The following PRDM1 variants were observed in gnomAD, a reference collection of about 807,000 sequenced individuals.
The protein encoded by PRDM1 is PR/SET domain 1.
In PRDM1, 13 loss-of-function variants were observed where a neutral mutation model predicts 62.8. The ratio of observed to expected loss-of-function variants is 0.21; its 90% CI spans 0.13 to 0.33. The LOEUF is 0.33. PRDM1 is among the 10% of genes least tolerant of loss of function. The probability of loss-of-function intolerance (pLI) is 1.00; values close to 1 mark genes in which losing one functional copy is unlikely to be tolerated. For missense variants in PRDM1, 895 were observed against 1,058.8 expected (o/e 0.85, Z 2.15); for synonymous variants, 396 against 417.6 (o/e 0.95, Z 0.63).
chr6:106,107,395 A>T lies in PRDM1; in HGVS notation c.2387A>T (p.Asp796Val), dbSNP rs1365737017. 1.2e-6 allele frequency: 2 copies of T among 1,614,162 alleles called. No homozygotes were observed. Among genetic ancestry groups the T allele is most frequent in the Non-Finnish European group, 1.7e-6 (2 of 1,180,020 alleles). The stretch of plus-strand genomic sequence containing the variant: ...GGGTGCAGCCTTTATGAGTCATCAG[A>T]TCTACCCCTCATGAAGTTGCCTCCC... The part of the protein sequence containing the change: ...SSGCSLYESS[D>V]LPLMKLPPSN... Residue 796 changes from aspartate to valine, a missense_variant, in exon 7 of 7, where the codon GAT (aspartate) becomes GTT (valine). Transcript: ENST00000369096.
At chr6:106,082,371 C>A (rs960212964), upstream of PRDM1, among the ~76,000 whole-genome samples, 1 of 152,124 alleles carries the variant, frequency 6.6e-6, no homozygotes, top group Non-Finnish European at 1.5e-5. Context: ...TTGGAAACCC[C>A]AAACCTTGGT....
At chr6:106,094,482 G>A (rs1400636450) in intron 2 of PRDM1, among the ~76,000 whole-genome samples, 5 of 152,166 alleles carry the variant, frequency 3.3e-5, no homozygotes, top group African/African-American at 7.2e-5. Context: ...TATTAAGGAG[G>A]AACTGGTATA....
intron 1 of PRDM1, among the ~76,000 whole-genome samples, chr6:106,037,607 A>T: frequency 6.6e-6 from 1 of 151,500 alleles, no homozygotes; most frequent in Admixed American, 6.6e-5. Context: ...AAGTTTGCTG[A>T]TTTTTTTCTT....
intron 1 of PRDM1, among the ~76,000 whole-genome samples, chr6:106,065,831 G>A (rs1773424231): frequency 6.6e-6 from 1 of 152,164 alleles, no homozygotes; most frequent in African/African-American, 2.4e-5. Flanking sequence ...TAATCCTAAT[G>A]GATTGACTTC....
In PRDM1 at chr6:106,088,274, T is replaced by A; in HGVS notation, c.116T>A (p.Met39Lys). The part of the protein sequence containing the change: ...LAEGTKGTMK[M>K]DMEDADMTLW... ...GAGGGGACCAAGGGGACCATGAAAA[T>A]GGACATGGAGGATGCGGATATGACT... The change falls in exon 2 of 7, where the codon ATG (methionine) becomes AAG (lysine). Residue 39 changes from methionine (M) to lysine (K), a missense_variant. Met to Lys is a moderately conservative substitution (Grantham distance 95). Coordinates refer to ENST00000369096, the MANE Select transcript of PRDM1 (RefSeq NM_001198.4). 1 of 1,613,884 alleles carries A rather than the reference T, an allele frequency of 6.2e-7. No individual in the cohort carries two copies. The highest frequency in any genetic ancestry group is 1.3e-5 in the African/African-American group (1 of 74,912).
chr6:106,038,227 T>G (rs931772854), intron 1 of PRDM1, among the ~76,000 whole-genome samples: 1 of 151,892 alleles, frequency 6.6e-6, no homozygotes, highest in African/African-American at 2.4e-5. Flanking sequence ...TCAGGTGATC[T>G]GCCTGCCTGG....
At chr6:106,073,947 A>G (rs751036574) in intron 1 of PRDM1, among the ~76,000 whole-genome samples, 1 of 152,224 alleles carries the variant, frequency 6.6e-6, no homozygotes, top group Non-Finnish European at 1.5e-5. Flanking sequence ...ATGAGTGGAG[A>G]CAAAGACTAC....
chr6:106,044,413 T>G (rs1038158529), upstream of PRDM1, among the ~76,000 whole-genome samples: 2 of 152,178 alleles, frequency 1.3e-5, no homozygotes, highest in African/African-American at 4.8e-5. Flanking sequence ...ACTTAGTACT[T>G]TTTGCCAAGG....
chr6:106,000,095 C>G, intron 1 of PRDM1, among the ~76,000 whole-genome samples: 1 of 152,168 alleles, frequency 6.6e-6, no homozygotes, highest in African/African-American at 2.4e-5. Context: ...GTGATCTGCC[C>G]GCCTTGGCCT....
At chr6:106,033,235 G>A (rs1255264361) in intron 1 of PRDM1, among the ~76,000 whole-genome samples, 1 of 151,708 alleles carries the variant, frequency 6.6e-6, no homozygotes, top group Non-Finnish European at 1.5e-5. Context: ...TAACTCCTGG[G>A]CCCAAGTGAT....
chr6:106,079,195 CTT>C (rs1352253444), intron 1 of PRDM1, among the ~76,000 whole-genome samples: 1 of 151,996 alleles, frequency 6.6e-6, no homozygotes, highest in African/African-American at 2.4e-5. Context: ...AAACTCCTGA[CTT>C]CAGGTGATCC....
In PRDM1 at chr6:106,108,751, T is replaced by C. The variant is rs1474834231; in HGVS notation, c.*1265T>C. ...AGATTTTCCTCAGTATTTGTGTTTT[T>C]ACATTTTATGGTTAATTTAATGGAA... On this transcript the variant is annotated 3_prime_UTR_variant, in exon 7 of 7. Transcript: ENST00000369096. 4.3e-6 allele frequency: 1 copy of C among 233,440 alleles called. No individual in the cohort carries two copies. Among genetic ancestry groups the C allele is most frequent in the African/African-American group, 2.2e-5 (1 of 45,318 alleles). The allele number at this position is 233,440 out of a possible 1,614,324, so 14.5% of individuals were successfully genotyped here.
At chr6:106,048,672 T>C (rs933481701) in exon 1 of PRDM1, among the ~76,000 whole-genome samples, 2 of 152,172 alleles carry the variant, frequency 1.3e-5, no homozygotes, top group Non-Finnish European at 2.9e-5. Flanking sequence ...CAGGGTCTTA[T>C]CAGGAGAGAA....
At chr6:106,066,292 T>A (rs371734940) in intron 1 of PRDM1, among the ~76,000 whole-genome samples, 1 of 152,192 alleles carries the variant, frequency 6.6e-6, no homozygotes, top group East Asian at 1.9e-4. Context: ...TAATTCATCA[T>A]GCTGGTGGAC....
At chr6:106,071,404 C>T (rs1452317728) in intron 1 of PRDM1, among the ~76,000 whole-genome samples, 3 of 152,040 alleles carry the variant, frequency 2.0e-5, no homozygotes, top group Non-Finnish European at 4.4e-5. Flanking sequence ...TACACACACA[C>T]ACACATACAT....
intron 1 of PRDM1, among the ~76,000 whole-genome samples, chr6:106,052,441 C>T (rs889937039): frequency 4.6e-5 from 7 of 151,782 alleles, no homozygotes; most frequent in Non-Finnish European, 7.4e-5. Flanking sequence ...TGTTTTTTTA[C>T]GCTTCATGTT....
intron 2 of PRDM1, among the ~76,000 whole-genome samples, chr6:106,095,054 AAC>A (rs369840258): frequency 1.3e-5 from 2 of 149,896 alleles, no homozygotes; most frequent in Admixed American, 6.6e-5. Context: ...AAAAAAAAAA[AAC>A]ACACACACAC....
intron 1 of PRDM1, among the ~76,000 whole-genome samples, chr6:106,007,723 G>A (rs534714794): frequency 1.1e-4 from 16 of 152,118 alleles, no homozygotes; most frequent in Non-Finnish European, 2.4e-4. Context: ...CGTCCCTTGA[G>A]GTTAGCTAAC....
chr6:106,108,459 CTT>C lies in PRDM1; in HGVS notation c.*975_*976del, dbSNP rs1432969958. On this transcript the variant is annotated 3_prime_UTR_variant, in exon 7 of 7. Transcript: ENST00000369096. ...GAAAATTTCCCCAAAGCATAGGTGG[CTT>C]TGTGTGTGTGCGATTTGGGGGCTTG... 15 of 221,432 alleles carry C rather than the reference CTT, an allele frequency of 6.8e-5. No homozygotes were observed. In the East Asian group the frequency reaches 6.9e-4, roughly 10 times the overall value. 13.7% of individuals were successfully genotyped at this position (221,432 alleles called of 1,614,324 possible).
Sources: gnomAD v4.1 joint callset for allele counts (sites outside exome capture counted in the v4.1 genomes callset) on GRCh38, gnomAD v4.1.1 for gene constraint, MANE v1.5 for transcripts, NCBI Gene and HGNC (gene_info 2026-07-23, HGNC 2026-07-21) for gene names.